Variants in TAFA2 observed in about 807,000 individuals in gnomAD.
The protein encoded by TAFA2 is TAFA chemokine like family member 2.
In TAFA2, 7 loss-of-function variants were observed where a neutral mutation model predicts 18.8. The ratio of observed to expected loss-of-function variants is 0.37; its 90% confidence interval spans 0.21 to 0.70. The LOEUF is 0.70. Ranked by LOEUF, TAFA2 falls within the 30% of genes least tolerant of loss-of-function variation. The pLI, the probability that TAFA2 is intolerant of heterozygous loss-of-function variation, is 0.53. For synonymous variants in TAFA2, 60 were observed against 54.2 expected, an observed-to-expected ratio of 1.11 and a Z score of -0.47; for missense variants, 122 against 158.1, an observed-to-expected ratio of 0.77 and a Z score of 1.23.
chr12:61,815,607 G>A (rs1385445083), intron 2 of TAFA2, among the ~76,000 whole-genome samples: 2 of 150,306 alleles, frequency 1.3e-5, no homozygotes, highest in African/African-American at 5.0e-5. Context: ...AGCTTGCAGT[G>A]AGCCGAGATC....
At chr12:61,980,305 T>C (rs1879586563) in intron 1 of TAFA2, among the ~76,000 whole-genome samples, 1 of 152,104 alleles carries the variant, frequency 6.6e-6, no homozygotes, top group African/African-American at 2.4e-5. Context: ...AATGAATGTA[T>C]CTCAAAATAA....
At chr12:61,843,074 AC>A (rs1873253399) in intron 2 of TAFA2, among the ~76,000 whole-genome samples, 1 of 151,394 alleles carries the variant, frequency 6.6e-6, no homozygotes, top group African/African-American at 2.4e-5. Context: ...GGGAATAGCT[AC>A]CTTGGGTCTC....
rs943559364 is a variant in TAFA2 at position 62,150,750 on chromosome 12, C to T, written c.-2+40509G>A. Among the ~76,000 whole-genome samples, 11 of 151,918 alleles carry T rather than the reference C, an allele frequency of 7.2e-5. No individual in the cohort carries two copies. In the East Asian group the frequency reaches 9.7e-4, roughly 13 times the overall value. Reference sequence around the variant, plus strand: ...AAACCCCATCTCTACCAAAAAAATACAAAAACTTCGCCAGGCATGGTGGTG... The same window carrying T: ...AAACCCCATCTCTACCAAAAAAATATAAAAACTTCGCCAGGCATGGTGGTG... On this transcript the variant is annotated intron_variant, in intron 1 of 4. Coordinates refer to ENST00000416284, the MANE Select transcript of TAFA2 (RefSeq NM_178539.5).
intron 1 of TAFA2, among the ~76,000 whole-genome samples, chr12:62,016,100 A>G (rs1442515053): frequency 1.3e-5 from 2 of 152,240 alleles, no homozygotes; most frequent in Non-Finnish European, 2.9e-5. Flanking sequence ...TGTGTCACAC[A>G]TGGCAGTTAT....
At chr12:62,116,969 G>A (rs116598951) in intron 1 of TAFA2, among the ~76,000 whole-genome samples, 1,901 of 152,182 alleles carry the variant, frequency 0.012, 39 homozygotes, top group African/African-American at 0.044. Context: ...TAAAAGAAGA[G>A]GAGACACCGG....
intron 2 of TAFA2, among the ~76,000 whole-genome samples, chr12:61,787,543 T>C (rs1870789572): frequency 6.6e-6 from 1 of 151,584 alleles, no homozygotes; most frequent in Non-Finnish European, 1.5e-5. Flanking sequence ...AGATGTAAAT[T>C]AAAGCAACAA....
intron 1 of TAFA2, among the ~76,000 whole-genome samples, chr12:62,200,029 C>T (rs893363079): frequency 9.2e-5 from 14 of 152,144 alleles, no homozygotes; most frequent in African/African-American, 3.4e-4. Context: ...TTTTCACATG[C>T]TTGTTAGTTG....
chr12:61,807,706 A>C (rs2120993231), intron 2 of TAFA2, among the ~76,000 whole-genome samples: 1 of 151,430 alleles, frequency 6.6e-6, no homozygotes, highest in South Asian at 2.1e-4. Context: ...ATGGGAACCC[A>C]CCTCTTGCAT....
intron 1 of TAFA2, among the ~76,000 whole-genome samples, chr12:61,894,360 G>A (rs1019684984): frequency 2.6e-5 from 4 of 152,162 alleles, no homozygotes; most frequent in African/African-American, 9.7e-5. Context: ...GTTGCTGTGG[G>A]AACCAACCTT....
At chr12:62,097,553 CA>C (rs1156916940) in intron 1 of TAFA2, among the ~76,000 whole-genome samples, 6 of 152,066 alleles carry the variant, frequency 3.9e-5, no homozygotes, top group Admixed American at 2.6e-4. Context: ...ATTTTTAACA[CA>C]AGGGTTGGCT....
Position 61,753,874 on chromosome 12 carries a change from C to T in TAFA2, c.260-128G>A, listed in dbSNP as rs537922312. The T allele has an allele frequency of 1.2e-5, 8 of 662,822 alleles. No individual in the cohort carries two copies. In the African/African-American group the frequency reaches 1.3e-4, roughly 11 times the overall value. The allele number at this position is 662,822 out of a possible 1,614,324, so 41.1% of individuals were successfully genotyped here. A position where few individuals can be genotyped will look rare whatever the true frequency, so the allele number is the denominator to read the frequency against. ...GGGAATACAGGTATTTGAGGTATGC[C>T]TTTCTTTTTGTTCAAAAGGACAAAA... On this transcript the variant is annotated intron_variant, in intron 3 of 4. Coordinates refer to ENST00000416284, the MANE Select transcript of TAFA2 (RefSeq NM_178539.5).
chr12:62,114,662 G>A (rs1427508860), intron 1 of TAFA2, among the ~76,000 whole-genome samples: 1 of 152,170 alleles, frequency 6.6e-6, no homozygotes, highest in South Asian at 2.1e-4. Context: ...CAATACTGTG[G>A]AGCGTGTCCA....
intron 1 of TAFA2, among the ~76,000 whole-genome samples, chr12:61,993,580 G>A (rs960080766): frequency 2.6e-5 from 4 of 152,064 alleles, no homozygotes; most frequent in African/African-American, 9.7e-5. Context: ...ACAAACTTTA[G>A]TGTTGCCATT....
At chr12:62,017,458 C>T (rs181243315) in intron 1 of TAFA2, among the ~76,000 whole-genome samples, 10 of 152,142 alleles carry the variant, frequency 6.6e-5, no homozygotes, top group East Asian at 1.9e-4. Context: ...TACTGCAATA[C>T]GCACACCAAT....
chr12:62,095,206 G>A (rs1283371242), intron 1 of TAFA2, among the ~76,000 whole-genome samples: 1 of 152,102 alleles, frequency 6.6e-6, no homozygotes, highest in Non-Finnish European at 1.5e-5. Flanking sequence ...GCTATGATAA[G>A]AGTAAGAAAT....
At chr12:61,949,915 A>C (rs758331518) in intron 1 of TAFA2, among the ~76,000 whole-genome samples, 2 of 152,232 alleles carry the variant, frequency 1.3e-5, no homozygotes, top group African/African-American at 2.4e-5. Context: ...GTAATCAACA[A>C]CACCATTTTC....
chr12:61,953,403 T>G (rs1215347653), intron 1 of TAFA2, among the ~76,000 whole-genome samples: 1 of 152,058 alleles, frequency 6.6e-6, no homozygotes, highest in Admixed American at 6.6e-5. Context: ...AGAAGATAAT[T>G]GAGGAACTCA....
intron 1 of TAFA2, among the ~76,000 whole-genome samples, chr12:61,980,227 G>A (rs2136675569): frequency 6.6e-6 from 1 of 152,168 alleles, no homozygotes; most frequent in East Asian, 1.9e-4. Context: ...AATAGATGCA[G>A]AAAAGTCCCT....
chr12:61,717,226 A>G (rs1349888083), intron 4 of TAFA2, among the ~76,000 whole-genome samples: 1 of 152,214 alleles, frequency 6.6e-6, no homozygotes, highest in Non-Finnish European at 1.5e-5. Flanking sequence ...CACTTGTCAT[A>G]TCTTAAAGCA....
Sources: allele counts gnomAD v4.1 joint callset (sites outside exome capture counted in the v4.1 genomes callset), GRCh38; gene constraint gnomAD v4.1.1; transcripts MANE v1.5; gene names NCBI Gene and HGNC (gene_info 2026-07-23, HGNC 2026-07-21).